The following BCL7B variants were observed in gnomAD, a reference collection of about 807,000 sequenced individuals.
The protein encoded by BCL7B is B-cell CLL/lymphoma 7 protein family member B.
In BCL7B, 11 loss-of-function variants were observed where a neutral mutation model predicts 26.5. The ratio of observed to expected loss-of-function variants is 0.42; its 90% CI spans 0.26 to 0.69. BCL7B has a LOEUF of 0.69. BCL7B is among the 30% of genes least tolerant of loss of function. The pLI, the probability that BCL7B is intolerant of heterozygous loss-of-function variation, is 0.28. For synonymous variants in BCL7B, 111 were observed against 107.9 expected (o/e 1.03, Z -0.18); for missense variants, 215 against 264.4 (o/e 0.81, Z 1.30).
intron 2 of BCL7B, among the ~76,000 whole-genome samples, chr7:73,546,881 T>C (rs377514161): frequency 2.0e-5 from 3 of 152,018 alleles, no homozygotes; most frequent in African/African-American, 4.8e-5. Flanking sequence ...AATAAAGCAG[T>C]TGGCCAGGCG....
At chr7:73,537,841 G>T in intron 5 of BCL7B, 93 bp downstream of exon 5, 1 of 860,518 alleles carries the variant, frequency 1.2e-6, no homozygotes, top group Non-Finnish European at 1.8e-6. Flanking sequence ...TAGTGAGCCA[G>T]GATCGCACCA....
At chr7:73,545,512 G>A (rs1359903024) in intron 2 of BCL7B, among the ~76,000 whole-genome samples, 2 of 152,120 alleles carry the variant, frequency 1.3e-5, no homozygotes, top group Non-Finnish European at 2.9e-5. Flanking sequence ...GTGAGCCATC[G>A]CACTCGGCCA....
At chr7:73,549,651 A>T (rs1792083109) in intron 2 of BCL7B, among the ~76,000 whole-genome samples, 1 of 152,188 alleles carries the variant, frequency 6.6e-6, no homozygotes, top group Non-Finnish European at 1.5e-5. Context: ...CCATCTCTCC[A>T]AAACAAACAA....
At position 73,544,916 on chromosome 7, in the gene BCL7B, A is replaced by G. The variant is rs140917255; in HGVS notation, c.169-1272T>C. On this transcript the variant is annotated intron_variant, in intron 2 of 5. Transcript: ENST00000223368. ...TCTACAAAAAAATAAAAAATGAGCCATGTATGGTGGCATAGGCTGGTGGTC... is the reference window on the plus strand; with the variant it reads ...TCTACAAAAAAATAAAAAATGAGCCGTGTATGGTGGCATAGGCTGGTGGTC... 3.1e-3 allele frequency among the ~76,000 whole-genome samples: 475 copies of G among 152,088 alleles called. 3 individuals carry two copies. Among genetic ancestry groups the G allele is most frequent in the African/African-American group, 0.011 (460 of 41,512 alleles).
intron 1 of BCL7B, chr7:73,557,045 C>T: frequency 1.0e-6 from 1 of 987,646 alleles, no homozygotes; most frequent in Non-Finnish European, 1.2e-6. Context: ...ACTCACCCAA[C>T]TTCAACGCCT....
At chr7:73,545,700 T>C (rs1301077503) in intron 2 of BCL7B, among the ~76,000 whole-genome samples, 4 of 152,122 alleles carry the variant, frequency 2.6e-5, no homozygotes, top group African/African-American at 4.8e-5. Context: ...TAGAACTTCT[T>C]GGGATGGCTG....
chr7:73,557,635 G>C lies in BCL7B; in HGVS notation c.-57C>G. The C allele has an allele frequency of 1.9e-6, 2 of 1,042,562 alleles. No individual in the cohort carries two copies. Among genetic ancestry groups the C allele is most frequent in the Non-Finnish European group, 2.4e-6 (2 of 835,514 alleles). 64.6% of individuals were successfully genotyped at this position (1,042,562 alleles called of 1,614,324 possible). ...CTGCTCCCAAGACACCGGGGATCGC[G>C]CGCCTCACGCGCCGCCGCCCGCCCG... On this transcript the variant is annotated 5_prime_UTR_variant, in exon 1 of 6. Coordinates refer to ENST00000223368, the MANE Select transcript of BCL7B (RefSeq NM_001707.4).
At chr7:73,552,911 C>T (rs1792231689) in intron 1 of BCL7B, among the ~76,000 whole-genome samples, 1 of 152,018 alleles carries the variant, frequency 6.6e-6, no homozygotes, top group African/African-American at 2.4e-5. Flanking sequence ...AGTTCTATTA[C>T]TACATTCCTT....
chr7:73,551,110 C>T (rs1258791888), intron 2 of BCL7B, among the ~76,000 whole-genome samples: 1 of 152,144 alleles, frequency 6.6e-6, no homozygotes, highest in Admixed American at 6.6e-5. Flanking sequence ...ATGATACACA[C>T]AATACAGTGG....
chr7:73,540,208 A>G, intron 3 of BCL7B, 156 bp from the exon 4 acceptor site: 1 of 758,768 alleles, frequency 1.3e-6, no homozygotes, highest in South Asian at 1.9e-5. Flanking sequence ...ATAGATTCTA[A>G]GCACCAGAGG....
chr7:73,542,683 C>CTTT (rs1791810290), intron 3 of BCL7B: 1 of 190,882 alleles, frequency 5.2e-6, no homozygotes, highest in African/African-American at 2.3e-5. Context: ...AGTATCATGA[C>CTTT]TACGGTGATG....
At chr7:73,554,687 AC>A in intron 1 of BCL7B, among the ~76,000 whole-genome samples, 1 of 151,708 alleles carries the variant, frequency 6.6e-6, no homozygotes, top group Admixed American at 6.6e-5. Context: ...AGTCCCGACT[AC>A]TCAGGAGGCT....
chr7:73,541,138 CTCCGTCTCAAAAAATAAAAATTAAAAT>C (rs1554582833), intron 3 of BCL7B, among the ~76,000 whole-genome samples: 1 of 152,018 alleles, frequency 6.6e-6, no homozygotes, highest in Non-Finnish European at 1.5e-5. Flanking sequence ...CATGGCGAGA[CTCCGTCTCAAAAAATAAAAATTAAAAT>C]TAAAAAAAAA....
At chr7:73,543,460 G>T in intron 3 of BCL7B, 88 bp downstream of exon 3, 2 of 1,235,858 alleles carry the variant, frequency 1.6e-6, no homozygotes, top group South Asian at 1.2e-5. Flanking sequence ...TTACAGGTGT[G>T]AGTCACTGCA....
In BCL7B at chr7:73,536,927, G is replaced by A. The variant is rs782514905; in HGVS notation, c.*371C>T. On this transcript the variant is annotated 3_prime_UTR_variant, in exon 6 of 6. Transcript: ENST00000223368. ...TTCAAGTTCAAGTAACCTGAGGCAC[G>A]CTCTCTTCTAGAAGGTGCCTTCCAC... 4.1e-4 allele frequency: 75 copies of A among 181,466 alleles called. No homozygotes were observed. The highest frequency in any genetic ancestry group is 7.5e-4 in the Non-Finnish European group (64 of 85,686). The allele number at this position is 181,466 out of a possible 1,614,324, so 11.2% of individuals were successfully genotyped here.
In BCL7B at chr7:73,557,616, C is replaced by T. The variant is rs2115848934; in HGVS notation, c.-38G>A. 1.7e-6 allele frequency: 2 copies of T among 1,163,472 alleles called. No homozygotes were observed. The highest frequency in any genetic ancestry group is 3.2e-5 in the African/African-American group (2 of 61,598). The allele number at this position is 1,163,472 out of a possible 1,614,324, so 72.1% of individuals were successfully genotyped here. On this transcript the variant is annotated 5_prime_UTR_variant, in exon 1 of 6. Transcript: ENST00000223368. ...AGCGGCGGGGGCCGGGGCACTGCTC[C>T]CAAGACACCGGGGATCGCGCGCCTC...
At chr7:73,547,021 G>A (rs1210094911) in intron 2 of BCL7B, among the ~76,000 whole-genome samples, 2 of 152,034 alleles carry the variant, frequency 1.3e-5, no homozygotes, top group Non-Finnish European at 2.9e-5. Flanking sequence ...AAAGTAGCTG[G>A]GCATGGTGAG....
At chr7:73,549,262 G>C (rs185167018) in intron 2 of BCL7B, among the ~76,000 whole-genome samples, 14 of 152,302 alleles carry the variant, frequency 9.2e-5, no homozygotes, top group Non-Finnish European at 2.9e-5. Context: ...ATACAGCAGA[G>C]AGAGCAATGG....
chr7:73,538,812 CT>C (rs1177234019), intron 4 of BCL7B, among the ~76,000 whole-genome samples: 1 of 112,720 alleles, frequency 8.9e-6, no homozygotes, highest in African/African-American at 3.5e-5. Flanking sequence ...GACCCTATCT[CT>C]TTAAAAAAAA....
Sources: gnomAD v4.1 joint callset for allele counts (sites outside exome capture counted in the v4.1 genomes callset) on GRCh38, gnomAD v4.1.1 for gene constraint, MANE v1.5 for transcripts, NCBI Gene and HGNC (gene_info 2026-07-23, HGNC 2026-07-21) for gene names.